Variants in CC2D1A observed in about 807,000 individuals in gnomAD.
CC2D1A encodes coiled-coil and C2 domain-containing protein 1A.
In CC2D1A, 68 loss-of-function variants were observed where a neutral mutation model predicts 123.8. The observed-to-expected ratio is 0.55, with a 90% confidence interval of 0.45 to 0.67. The LOEUF (loss-of-function observed/expected upper bound fraction) is 0.67. CC2D1A is among the 30% of genes least tolerant of loss of function. The pLI is 0.00. For synonymous variants in CC2D1A, 477 were observed against 528.0 expected, an observed-to-expected ratio of 0.90 and a Z score of 1.32; for missense variants, 1,185 against 1,290.3, an observed-to-expected ratio of 0.92 and a Z score of 1.25.
At chr19:13,913,699 G>A in intron 6 of CC2D1A, 61 bp downstream of exon 6, 1 of 1,297,772 alleles carries the variant, frequency 7.7e-7, no homozygotes, top group Non-Finnish European at 1.1e-6. Flanking sequence ...GCAGGATGCT[G>A]CTCTAGGGGG....
At chr19:13,908,824 G>A (rs1179040742) in intron 1 of CC2D1A, among the ~76,000 whole-genome samples, 1 of 152,178 alleles carries the variant, frequency 6.6e-6, no homozygotes, top group East Asian at 1.9e-4. Flanking sequence ...TGGGCAAAGT[G>A]TGGAGCCTGC....
Position 13,927,543 on chromosome 19 carries a change from C to A in CC2D1A, c.2316+278C>A. ...CCTGTAATCCCAGCACTTTGGGAGG[C>A]TGAGGCGGGCAGATCACGAGGTCAG... On this transcript the variant is annotated intron_variant, in intron 22 of 28. Transcript: ENST00000318003. 3 of 481,134 alleles carry A rather than the reference C, an allele frequency of 6.2e-6. No individual in the cohort carries two copies. The South Asian group carries it at 7.0e-5, about 11-fold the overall frequency. 29.8% of individuals were successfully genotyped at this position (481,134 alleles called of 1,614,324 possible).
At chr19:13,924,413 G>A (rs1971522184) in intron 17 of CC2D1A, among the ~76,000 whole-genome samples, 1 of 151,880 alleles carries the variant, frequency 6.6e-6, no homozygotes, top group Non-Finnish European at 1.5e-5. Context: ...CTCGTGATCC[G>A]CCCACCTCGG....
At position 13,929,623 on chromosome 19, in the gene CC2D1A, G is replaced by A. The variant is rs1365024177; in HGVS notation, c.2673G>A (p.Arg891=). 1 of 1,582,546 alleles carries A rather than the reference G, an allele frequency of 6.3e-7. No homozygotes were observed. The highest frequency in any genetic ancestry group is 2.3e-5 in the East Asian group (1 of 43,450). ...QDIMQRSQWQ[R]AQLEQGGVGI... ...TCATGCAACGCAGCCAGTGGCAGAGGGCACAGCTGGAGCAGGGGGGTGTGG... is the reference window on the plus strand; with the variant it reads ...TCATGCAACGCAGCCAGTGGCAGAGAGCACAGCTGGAGCAGGGGGGTGTGG... The change falls in exon 26 of 29, where the codon AGG becomes AGA. Residue 891 remains arginine (R), a synonymous_variant. Coordinates refer to ENST00000318003, the MANE Select transcript of CC2D1A (RefSeq NM_017721.5).
rs1971718959 is a variant in CC2D1A at position 13,928,123 on chromosome 19, G to A, written c.2455-1G>A. On this transcript the variant is annotated splice_acceptor_variant, in intron 23 of 28. Transcript: ENST00000318003. LOFTEE classifies it high-confidence loss of function. ...CACAGGACTGGTTCTCTCCTCTGAA[G>A]CAGGTTGCTGGGCCCAAAGGGAAGG... 3 of 1,611,744 alleles carry A rather than the reference G, an allele frequency of 1.9e-6. No individual in the cohort carries two copies. The highest frequency in any genetic ancestry group is 2.5e-6 in the Non-Finnish European group (3 of 1,179,482).
At chr19:13,926,900 C>T (rs761359878) in intron 20 of CC2D1A, 28 bp downstream of exon 20, 3 of 1,613,414 alleles carry the variant, frequency 1.9e-6, no homozygotes, top group Non-Finnish European at 2.5e-6. Flanking sequence ...GCACCCTACC[C>T]CTACTCCCTT....
At position 13,918,937 on chromosome 19, in the gene CC2D1A, G is replaced by T; in HGVS notation, c.1044G>T (p.Leu348=). The T allele has an allele frequency of 6.2e-7, 1 of 1,610,594 alleles. No individual in the cohort carries two copies. The highest frequency in any genetic ancestry group is 1.7e-4 in the Middle Eastern group (1 of 6,048). Residue 348 remains leucine (L), a synonymous_variant, in exon 10 of 29, where the codon CTG becomes CTT. Coordinates refer to ENST00000318003, the MANE Select transcript of CC2D1A (RefSeq NM_017721.5). ...AGGTGCCCCCACCCCCGAGGACCCTGCTGGAGGCGCTGGAGCAGCGGATGG... is the reference window on the plus strand; with the variant it reads ...AGGTGCCCCCACCCCCGAGGACCCTTCTGGAGGCGCTGGAGCAGCGGATGG... The part of the protein sequence containing the change: ...TTEVPPPPRT[L]LEALEQRMER...
At chr19:13,911,298 C>T (rs1970986939) in intron 2 of CC2D1A, among the ~76,000 whole-genome samples, 1 of 152,098 alleles carries the variant, frequency 6.6e-6, no homozygotes, top group Non-Finnish European at 1.5e-5. Flanking sequence ...GTCTTATAGT[C>T]ATTAATTTAG....
rs62122100 is a variant in CC2D1A at position 13,930,410 on chromosome 19, G to A, written c.*15G>A. Reference sequence around the variant, plus strand: ...TCCGCAGGTGAGGAGCCCATGGGGCGGGCAGCCCCCAGAAAGCGGGCAGCA... The same window carrying A: ...TCCGCAGGTGAGGAGCCCATGGGGCAGGCAGCCCCCAGAAAGCGGGCAGCA... On this transcript the variant is annotated 3_prime_UTR_variant, in exon 29 of 29. Coordinates refer to ENST00000318003, the MANE Select transcript of CC2D1A (RefSeq NM_017721.5). This position sits in a 1 kb window ranked among gnomAD's most constrained non-coding sequence, Gnocchi z 6.8. 11,115 of 1,599,040 alleles carry A rather than the reference G, an allele frequency of 7.0e-3. 65 individuals carry two copies. The highest frequency in any genetic ancestry group is 8.3e-3 in the Non-Finnish European group (9,696 of 1,172,532).
chr19:13,928,614 T>G (rs1488725929), intron 24 of CC2D1A, among the ~76,000 whole-genome samples: 1 of 151,538 alleles, frequency 6.6e-6, no homozygotes, highest in African/African-American at 2.4e-5. Flanking sequence ...GTTTCCTGGG[T>G]GTGCAGCCAT....
chr19:13,918,886 T>C, intron 9 of CC2D1A, 26 bp from the exon 10 acceptor site: 1 of 1,607,814 alleles, frequency 6.2e-7, no homozygotes, highest in Non-Finnish European at 8.5e-7. Flanking sequence ...CGTTGACTCT[T>C]AACCTTGTCC....
rs200005213 is a variant in CC2D1A, at chr19:13,926,730, G to T, written c.2073+5G>T. 186 of 1,614,140 alleles carry T rather than the reference G, an allele frequency of 1.2e-4. No homozygotes were observed. The highest frequency in any genetic ancestry group is 7.9e-4 in the South Asian group (72 of 91,088). On this transcript the variant is annotated splice_donor_5th_base_variant and intron_variant, in intron 19 of 28. Transcript: ENST00000318003. ...GACTTCCCCTATCCCAACGTGGTAC[G>T]TGGGGAGCTGAGGAGGGGAGGGCTG...
intron 14 of CC2D1A, among the ~76,000 whole-genome samples, chr19:13,921,938 G>A (rs757925972): frequency 1.3e-5 from 2 of 152,252 alleles, no homozygotes; most frequent in Non-Finnish European, 1.5e-5. Context: ...ACCTTATCAC[G>A]GCCCATGAAG....
rs369314385 is a variant in CC2D1A at position 13,912,308 on chromosome 19, T to A, written c.197-15T>A. The A allele has an allele frequency of 8.9e-6, 14 of 1,578,680 alleles. No individual in the cohort carries two copies. In the African/African-American group the frequency reaches 1.9e-4, roughly 21 times the overall value. ...GTACGACCCTGGTCCACCTGGGGCA[T>A]CCCCCTACCGCCAGGTCCCTTGCCG... On this transcript the variant is annotated splice_polypyrimidine_tract_variant and intron_variant, in intron 2 of 28. Transcript: ENST00000318003.
intron 1 of CC2D1A, 185 bp from the exon 2 acceptor site, chr19:13,909,638 A>G (rs1970922169): frequency 9.3e-6 from 7 of 750,624 alleles, no homozygotes; most frequent in Non-Finnish European, 1.4e-5. Context: ...GAACTGTGCC[A>G]GAGGGCCTGG....
chr19:13,927,204 G>A lies in CC2D1A; in HGVS notation c.2255G>A (p.Gly752Glu). ...GGLFKTDRVL[G>E]TAQLKLDALE... ...CTGTTCAAGACTGACCGGGTGCTGG[G>A]GACAGCCCAGCTGAAGCTGGATGCA... Residue 752 changes from glycine (G) to glutamate (E), a missense_variant, in exon 22 of 29, where the codon GGG becomes GAG. Transcript: ENST00000318003. 6.2e-7 allele frequency: 1 copy of A among 1,614,112 alleles called. No individual in the cohort carries two copies. The highest frequency in any genetic ancestry group is 8.5e-7 in the Non-Finnish European group (1 of 1,180,028).
intron 8 of CC2D1A, 25 bp from the exon 9 acceptor site, chr19:13,918,721 T>A: frequency 1.2e-6 from 2 of 1,603,826 alleles, no homozygotes; most frequent in Non-Finnish European, 1.7e-6. Flanking sequence ...AAGCCCCTCA[T>A]TGGCCTGGAC....
intron 22 of CC2D1A, chr19:13,927,553 C>T (rs1177821963): frequency 6.4e-6 from 3 of 471,280 alleles, no homozygotes; most frequent in Non-Finnish European, 1.2e-5. Flanking sequence ...CTGAGGCGGG[C>T]AGATCACGAG....
Position 13,913,174 on chromosome 19 carries a change from C to A in CC2D1A, c.385C>A (p.Pro129Thr). The change falls in exon 5 of 29, where the codon CCT (proline) becomes ACT (threonine). Residue 129 changes from proline to threonine, a missense_variant. Pro to Thr is a conservative substitution (Grantham distance 38). Transcript: ENST00000318003. ...ETPPPVAQPK[P>T]EAPHPGLETT... Reference sequence around the variant, plus strand: ...TGCCCCTGCCCTCCCACAGCCGAAGCCTGAGGCCCCTCATCCGGGGCTGGA... The same window carrying A: ...TGCCCCTGCCCTCCCACAGCCGAAGACTGAGGCCCCTCATCCGGGGCTGGA... 6.2e-7 allele frequency: 1 copy of A among 1,609,366 alleles called. No homozygotes were observed. The highest frequency in any genetic ancestry group is 8.5e-7 in the Non-Finnish European group (1 of 1,178,178).
Sources: allele counts gnomAD v4.1 joint callset (sites outside exome capture counted in the v4.1 genomes callset), GRCh38; gene constraint gnomAD v4.1.1; non-coding constraint Gnocchi (gnomAD v3.1); transcripts MANE v1.5; gene names NCBI Gene and HGNC (gene_info 2026-07-23, HGNC 2026-07-21).